UBP1: variants seen among roughly 807,000 people sequenced by gnomAD.
UBP1 encodes upstream binding protein 1.
A neutral mutation model predicts 76.1 loss-of-function variants in UBP1; 22 were observed. That is an observed-to-expected ratio of 0.29 (90% CI 0.21 to 0.41). The LOEUF (loss-of-function observed/expected upper bound fraction) is 0.41, where lower values mean the gene tolerates loss of function less well. Among genes scored for constraint, UBP1 ranks in the 10% least tolerant of loss-of-function variants. UBP1 has a pLI of 1.00. For synonymous variants in UBP1, 224 were observed against 237.1 expected (o/e 0.94, Z 0.51); for missense variants, 436 against 668.1 (o/e 0.65, Z 3.83).
chr3:33,401,061 A>G (rs1426998371), intron 9 of UBP1, 45 bp from the exon 10 acceptor site: 30 of 1,532,580 alleles, frequency 2.0e-5, no homozygotes, highest in Non-Finnish European at 2.4e-5. Flanking sequence ...TTTATAATAC[A>G]TATATGTTTT....
chr3:33,439,418 C>T (rs2045252627), intron 1 of UBP1, among the ~76,000 whole-genome samples: 2 of 152,244 alleles, frequency 1.3e-5, no homozygotes, highest in African/African-American at 2.4e-5. Context: ...TTGTAAATCA[C>T]TTATAAGGAA....
chr3:33,433,266 G>A (rs1387983301), intron 1 of UBP1, among the ~76,000 whole-genome samples: 1 of 149,488 alleles, frequency 6.7e-6, no homozygotes, highest in African/African-American at 2.5e-5. Context: ...TCACCAGGCT[G>A]GCCAGGCTGG....
rs549964012 is a variant in UBP1 at position 33,412,379 on chromosome 3, A to T, written c.448+343T>A. Reference sequence around the variant, plus strand: ...ATAATGTATATACATACATACATATATATGTATGTGTGTGCGTATGTATAT... The same window carrying T: ...ATAATGTATATACATACATACATATTTATGTATGTGTGTGCGTATGTATAT... On this transcript the variant is annotated intron_variant, in intron 4 of 15. Coordinates refer to ENST00000283629, the MANE Select transcript of UBP1 (RefSeq NM_014517.5). Among the ~76,000 whole-genome samples the T allele has an allele frequency of 5.9e-5, 9 of 152,062 alleles. No individual in the cohort carries two copies. The East Asian group carries it at 1.7e-3, about 29-fold the overall frequency.
intron 3 of UBP1, 65 bp downstream of exon 3, chr3:33,416,693 T>A: frequency 7.8e-7 from 1 of 1,277,712 alleles, no homozygotes; most frequent in Non-Finnish European, 1.1e-6. Flanking sequence ...AATTAATTTT[T>A]TTTTAAACAA....
In UBP1 at chr3:33,390,387, C is replaced by G. The variant is rs748665509; in HGVS notation, c.1586-19G>C. 6.4e-7 allele frequency: 1 copy of G among 1,568,028 alleles called. No individual in the cohort carries two copies. The highest frequency in any genetic ancestry group is 1.9e-5 in the Admixed American group (1 of 52,390). ...CTTTCAGCTGCAGAAAAAGGAAAGA[C>G]AGTATTTCTTCAGTCAGGCTTAGGA... On this transcript the variant is annotated intron_variant, in intron 15 of 15. Transcript: ENST00000283629.
chr3:33,416,663 T>A, intron 3 of UBP1, 95 bp downstream of exon 3: 1 of 972,788 alleles, frequency 1.0e-6, no homozygotes, highest in Non-Finnish European at 1.5e-6. Context: ...AAAGTTGTAA[T>A]ACAACAATTA....
intron 1 of UBP1, 143 bp from the exon 2 acceptor site, chr3:33,425,884 A>G (rs1297774581): frequency 1.8e-5 from 12 of 671,832 alleles, no homozygotes; most frequent in Non-Finnish European, 2.7e-5. Context: ...TTAAGATCAG[A>G]AATTATATGT....
At chr3:33,393,497 C>A in intron 13 of UBP1, 43 bp from the exon 14 acceptor site, 1 of 1,570,892 alleles carries the variant, frequency 6.4e-7, no homozygotes, top group Non-Finnish European at 8.6e-7. Flanking sequence ...TAACAGTAAT[C>A]TTTGATCTGT....
rs1382309009 is a variant in UBP1, at chr3:33,425,740, C to G, written c.115G>C (p.Asp39His). 1 of 1,572,306 alleles carries G rather than the reference C, an allele frequency of 6.4e-7. No homozygotes were observed. Among genetic ancestry groups the G allele is most frequent in the Non-Finnish European group, 8.7e-7 (1 of 1,148,040 alleles). ...ELGAGAYSMS[D>H]VLALPIFKQE... Reference sequence around the variant, plus strand: ...TTGAAAATGGGCAATGCCAAGACATCACTGAAAAGCAAAAAATCAACACTG... The same window carrying G: ...TTGAAAATGGGCAATGCCAAGACATGACTGAAAAGCAAAAAATCAACACTG... Residue 39 changes from aspartate (D) to histidine (H), a missense_variant and splice_region_variant, in exon 2 of 16, where the codon GAT (aspartate) becomes CAT (histidine). Asp to His is a moderately conservative substitution (Grantham distance 81). Transcript: ENST00000283629.
chr3:33,436,273 C>T (rs1458403984), intron 1 of UBP1, among the ~76,000 whole-genome samples: 1 of 152,198 alleles, frequency 6.6e-6, no homozygotes, highest in Non-Finnish European at 1.5e-5. Flanking sequence ...CATTAACATC[C>T]ACCCTTTGCA....
At chr3:33,414,000 T>C (rs1031606549) in intron 3 of UBP1, 4 of 152,202 alleles carry the variant, frequency 2.6e-5, no homozygotes, top group Non-Finnish European at 4.4e-5. Context: ...AGAACCATAC[T>C]AACTACACAT....
intron 2 of UBP1, among the ~76,000 whole-genome samples, chr3:33,419,219 G>A (rs1484994177): frequency 2.0e-5 from 3 of 152,172 alleles, no homozygotes; most frequent in Non-Finnish European, 2.9e-5. Context: ...AGTTGGCCAA[G>A]TGGAGTGGCT....
In UBP1 at chr3:33,412,454, G is replaced by A. The variant is rs111638417; in HGVS notation, c.448+268C>T. Among the ~76,000 whole-genome samples, 865 of 151,828 alleles carry A rather than the reference G, an allele frequency of 5.7e-3. 6 individuals carry two copies. The highest frequency in any genetic ancestry group is 0.026 in the South Asian group (125 of 4,816). On this transcript the variant is annotated intron_variant, in intron 4 of 15. Coordinates refer to ENST00000283629, the MANE Select transcript of UBP1 (RefSeq NM_014517.5). ...AGATCCTAGAGGGGCATGGTGGCGC[G>A]CACCTGCAATCCTAGCTACTTGGGA...
chr3:33,416,539 C>T (rs938756636), intron 3 of UBP1, among the ~76,000 whole-genome samples: 8 of 152,198 alleles, frequency 5.3e-5, no homozygotes, highest in Non-Finnish European at 1.0e-4. Flanking sequence ...ATAACTACAA[C>T]TAACTTTTCT....
At chr3:33,399,189 C>A (rs891654965) in intron 11 of UBP1, among the ~76,000 whole-genome samples, 1 of 152,224 alleles carries the variant, frequency 6.6e-6, no homozygotes, top group Non-Finnish European at 1.5e-5. Context: ...TTACTGTGAT[C>A]CAGCACTTCT....
intron 6 of UBP1, 37 bp from the exon 7 acceptor site, chr3:33,409,383 G>A (rs943287380): frequency 3.1e-6 from 5 of 1,613,676 alleles, no homozygotes; most frequent in Non-Finnish European, 4.2e-6. Flanking sequence ...CTATCAGGCT[G>A]CAGACACACA....
intron 12 of UBP1, 59 bp downstream of exon 12, chr3:33,396,986 T>C (rs2044024556): frequency 1.3e-6 from 2 of 1,502,102 alleles, no homozygotes; most frequent in Non-Finnish European, 1.8e-6. Flanking sequence ...TCTGCCCAAA[T>C]TCCCCACGCG....
chr3:33,426,655 T>G (rs1293262705), intron 1 of UBP1, among the ~76,000 whole-genome samples: 8 of 152,194 alleles, frequency 5.3e-5, no homozygotes, highest in Admixed American at 5.2e-4. Flanking sequence ...GATTTGCTAT[T>G]TGGGACATTT....
intron 1 of UBP1, among the ~76,000 whole-genome samples, chr3:33,436,573 T>C (rs1055292479): frequency 1.3e-5 from 2 of 152,186 alleles, no homozygotes; most frequent in Non-Finnish European, 2.9e-5. Flanking sequence ...GAGTAAGCTA[T>C]ACAAGCCATT....
Sources: allele counts gnomAD v4.1 joint callset (sites outside exome capture counted in the v4.1 genomes callset), GRCh38; gene constraint gnomAD v4.1.1; transcripts MANE v1.5; gene names NCBI Gene and HGNC (gene_info 2026-07-23, HGNC 2026-07-21).